Variants in DACH2 observed in about 807,000 individuals in gnomAD.
DACH2 encodes the protein dachshund family transcription factor 2.
Under a neutral mutation model 35.8 loss-of-function variants are expected in DACH2, and 17 were observed. That is an observed-to-expected ratio of 0.48 (90% CI 0.33 to 0.71). The LOEUF (loss-of-function observed/expected upper bound fraction) is 0.71, where lower values mean the gene tolerates loss of function less well. Among genes scored for constraint, DACH2 ranks in the 30% least tolerant of loss-of-function variants. The pLI, the probability that DACH2 is intolerant of heterozygous loss-of-function variation, is 0.02. For synonymous variants in DACH2, 195 were observed against 177.3 expected (o/e 1.10, Z -0.79); for missense variants, 469 against 472.7 (o/e 0.99, Z 0.07).
chrX:86,408,733 G>C (rs982780999), intron 2 of DACH2, among the ~76,000 whole-genome samples: 2 of 111,342 alleles, frequency 1.8e-5, no homozygotes, highest in Non-Finnish European at 3.8e-5. Context: ...AATTATTCCT[G>C]TTAGGATCTG....
chrX:86,682,790 C>A (rs2040895956), intron 4 of DACH2, among the ~76,000 whole-genome samples: 2 of 111,477 alleles, frequency 1.8e-5, no homozygotes, highest in South Asian at 3.7e-4. Flanking sequence ...TGTATTGATT[C>A]TATCTATTGA....
chrX:86,345,394 T>C, intron 1 of DACH2: 1 of 292,335 alleles, frequency 3.4e-6, no homozygotes, highest in Non-Finnish European at 6.5e-6. Context: ...ATGAATTAGA[T>C]TGTGTTTTTA....
At chrX:86,236,920 G>A (rs1429448229) in intron 1 of DACH2, among the ~76,000 whole-genome samples, 2 of 111,855 alleles carry the variant, frequency 1.8e-5, no homozygotes, top group African/African-American at 3.2e-5. Flanking sequence ...TTTACTTTAC[G>A]AACTTCTATA....
chrX:86,246,969 A>G (rs750190084), intron 1 of DACH2, among the ~76,000 whole-genome samples: 3 of 111,940 alleles, frequency 2.7e-5, no homozygotes, highest in Non-Finnish European at 5.6e-5. Flanking sequence ...GCTCAAAGAA[A>G]AGGGATAGAG....
chrX:86,567,174 G>A (rs765928336), intron 3 of DACH2, among the ~76,000 whole-genome samples: 9 of 112,074 alleles, frequency 8.0e-5, no homozygotes, highest in African/African-American at 2.9e-4. Context: ...GATGAGGCAT[G>A]TTGAAGAATG....
chrX:86,317,318 G>A lies in DACH2; in HGVS notation c.489-59506G>A, dbSNP rs901954619. Among the ~76,000 whole-genome samples the A allele has an allele frequency of 9.0e-5, 10 of 110,818 alleles. 1 individual carries two copies. Among genetic ancestry groups the A allele is most frequent in the Middle Eastern group, 4.6e-3 (1 of 219 alleles). On this transcript the variant is annotated intron_variant, in intron 1 of 11. Transcript: ENST00000373125. ...TTGGTCTTACTTTCTCCAAAAAAAC[G>A]AAACCTCTGGGTTATAGGTTATCTG...
chrX:86,271,727 A>T (rs1053229286), intron 1 of DACH2, among the ~76,000 whole-genome samples: 2 of 112,059 alleles, frequency 1.8e-5, no homozygotes, highest in Non-Finnish European at 3.8e-5. Flanking sequence ...AAGAGCTAAA[A>T]TATGTTACCT....
At chrX:86,477,364 A>G (rs188664932) in intron 2 of DACH2, among the ~76,000 whole-genome samples, 3,943 of 100,373 alleles carry the variant, frequency 0.039, 87 homozygotes, top group East Asian at 0.22. Context: ...ATATATATAT[A>G]TATATAATTG....
intron 3 of DACH2, among the ~76,000 whole-genome samples, chrX:86,573,303 G>A (rs1424234749): frequency 9.0e-6 from 1 of 111,426 alleles, no homozygotes; most frequent in Non-Finnish European, 1.9e-5. Context: ...CAAGAGAACT[G>A]AAGAGTGTAT....
intron 3 of DACH2, among the ~76,000 whole-genome samples, chrX:86,551,040 T>A (rs1265299865): frequency 8.9e-6 from 1 of 112,053 alleles, no homozygotes; most frequent in Non-Finnish European, 1.9e-5. Context: ...TGAACACTTG[T>A]TAATCTCAAA....
chrX:86,180,966 G>A (rs2748742), intron 1 of DACH2, among the ~76,000 whole-genome samples: 2 of 109,299 alleles, frequency 1.8e-5, no homozygotes, highest in Non-Finnish European at 3.8e-5. Context: ...CCAAGTTAGC[G>A]TGTGGAAGTG....
chrX:86,734,197 T>C (rs1472329391), intron 6 of DACH2, among the ~76,000 whole-genome samples: 1 of 111,319 alleles, frequency 9.0e-6, no homozygotes, highest in South Asian at 3.7e-4. Context: ...GAGAGGGTTC[T>C]TTGTTCAGAC....
At chrX:86,672,737 G>A (rs1246161928) in intron 4 of DACH2, among the ~76,000 whole-genome samples, 1 of 111,753 alleles carries the variant, frequency 8.9e-6, no homozygotes, top group African/African-American at 3.3e-5. Flanking sequence ...GAATCCTCAT[G>A]GAGAACCTCT....
chrX:86,421,990 C>T (rs1226535652), intron 2 of DACH2, among the ~76,000 whole-genome samples: 2 of 111,013 alleles, frequency 1.8e-5, no homozygotes, highest in East Asian at 5.6e-4. Flanking sequence ...AGAGTTGAGG[C>T]AATGGGCCAG....
intron 3 of DACH2, among the ~76,000 whole-genome samples, chrX:86,556,804 A>AGAGAGAGAGG (rs2039135007): frequency 1.2e-5 from 1 of 83,157 alleles, no homozygotes; most frequent in Non-Finnish European, 2.3e-5. Context: ...ATAGAGAGAG[A>AGAGAGAGAGG]GAGAGAGAGA....
intron 1 of DACH2, among the ~76,000 whole-genome samples, chrX:86,191,959 C>G (rs1323896300): frequency 3.6e-5 from 4 of 111,216 alleles, no homozygotes; most frequent in African/African-American, 1.3e-4. Context: ...AACAAACAAA[C>G]CTTAAAAAAT....
intron 4 of DACH2, among the ~76,000 whole-genome samples, chrX:86,672,109 C>T (rs2040771591): frequency 9.0e-6 from 1 of 111,723 alleles, no homozygotes; most frequent in Non-Finnish European, 1.9e-5. Context: ...GAGTATCTGA[C>T]AGAAGAAATT....
At chrX:86,757,399 G>A (rs2041839740) in intron 7 of DACH2, among the ~76,000 whole-genome samples, 1 of 111,831 alleles carries the variant, frequency 8.9e-6, no homozygotes, top group African/African-American at 3.2e-5. Context: ...ATGAGTTAGG[G>A]AGAATTTCTT....
intron 2 of DACH2, among the ~76,000 whole-genome samples, chrX:86,436,391 G>T (rs1349166061): frequency 2.7e-5 from 3 of 109,690 alleles, no homozygotes; most frequent in East Asian, 5.8e-4. Flanking sequence ...TATAGAGAGA[G>T]AGAGAGTAAT....
Sources: allele counts gnomAD v4.1 joint callset (sites outside exome capture counted in the v4.1 genomes callset), GRCh38; gene constraint gnomAD v4.1.1; transcripts MANE v1.5; gene names NCBI Gene and HGNC (gene_info 2026-07-23, HGNC 2026-07-21).